CDH12: variants seen among roughly 807,000 people sequenced by gnomAD.
CDH12 encodes cadherin 12, also known as cadherin-12.
A neutral mutation model predicts 74.1 loss-of-function variants in CDH12; 41 were observed. That is an observed-to-expected ratio of 0.55 (90% CI 0.43 to 0.72). The LOEUF (loss-of-function observed/expected upper bound fraction) is 0.72, where lower values mean the gene tolerates loss of function less well. Among genes scored for constraint, CDH12 ranks in the 30% least tolerant of loss-of-function variants. The probability of loss-of-function intolerance (pLI) is 0.00; values close to 1 mark genes in which losing one functional copy is unlikely to be tolerated. For missense variants in CDH12, 945 were observed against 977.2 expected (o/e 0.97, Z 0.44); for synonymous variants, 399 against 355.0 (o/e 1.12, Z -1.39).
At chr5:22,268,947 T>C (rs1736258873) in intron 3 of CDH12, among the ~76,000 whole-genome samples, 1 of 152,098 alleles carries the variant, frequency 6.6e-6, no homozygotes, top group African/African-American at 2.4e-5. Flanking sequence ...GATTGGTTAA[T>C]ATAGTGGTTA....
intron 1 of CDH12, among the ~76,000 whole-genome samples, chr5:22,757,083 A>T (rs76588503): frequency 0.025 from 3,781 of 152,268 alleles, 60 homozygotes; most frequent in Non-Finnish European, 0.035. Flanking sequence ...TTGGTTATTT[A>T]CAAGTTCAGG....
At chr5:22,345,201 A>G (rs2968270) in intron 3 of CDH12, among the ~76,000 whole-genome samples, 52 of 150,852 alleles carry the variant, frequency 3.4e-4, no homozygotes, top group Non-Finnish European at 4.7e-4. Flanking sequence ...TAGATTTTTT[A>G]TTTTCTTTTG....
intron 2 of CDH12, among the ~76,000 whole-genome samples, chr5:22,503,962 G>A (rs1292771305): frequency 2.0e-5 from 3 of 151,868 alleles, no homozygotes; most frequent in Admixed American, 1.3e-4. Flanking sequence ...CCTTTTATAG[G>A]AATTAAATTC....
intron 3 of CDH12, among the ~76,000 whole-genome samples, chr5:22,261,237 T>C (rs1753500676): frequency 6.6e-6 from 1 of 151,926 alleles, no homozygotes; most frequent in African/African-American, 2.4e-5. Flanking sequence ...CACAAATTTA[T>C]ACAGTTTATT....
At chr5:22,103,581 G>T (rs1386594119) in intron 4 of CDH12, among the ~76,000 whole-genome samples, 1 of 152,142 alleles carries the variant, frequency 6.6e-6, no homozygotes, top group African/African-American at 2.4e-5. Context: ...CGCTTCTTAT[G>T]CAGCTAATCG....
chr5:22,845,881 A>C (rs112439514), intron 1 of CDH12, among the ~76,000 whole-genome samples: 27 of 152,206 alleles, frequency 1.8e-4, no homozygotes, highest in African/African-American at 6.0e-4. Context: ...GAGAAGGGAG[A>C]GTATAAAAGT....
chr5:22,032,921 A>AT (rs987343372), intron 5 of CDH12, among the ~76,000 whole-genome samples: 1 of 151,268 alleles, frequency 6.6e-6, no homozygotes, highest in African/African-American at 2.4e-5. Flanking sequence ...TAGCCTTGTC[A>AT]TGGTGGGACA....
At chr5:22,691,975 G>A (rs1742107162) in intron 1 of CDH12, among the ~76,000 whole-genome samples, 1 of 152,100 alleles carries the variant, frequency 6.6e-6, no homozygotes, top group South Asian at 2.1e-4. Context: ...TACCTACATG[G>A]TGATATAGTT....
chr5:22,705,314 T>C (rs1171540646), intron 1 of CDH12, among the ~76,000 whole-genome samples: 2 of 152,038 alleles, frequency 1.3e-5, no homozygotes, highest in Admixed American at 6.6e-5. Context: ...TCACCAAGGA[T>C]ATTAACAAGG....
At chr5:22,003,855 A>G (rs1736764543) in intron 5 of CDH12, among the ~76,000 whole-genome samples, 1 of 141,420 alleles carries the variant, frequency 7.1e-6, no homozygotes, top group African/African-American at 2.6e-5. Context: ...AAAAGGATTT[A>G]CATTTAGGTT....
At chr5:22,770,203 A>G (rs1746735907) in intron 1 of CDH12, among the ~76,000 whole-genome samples, 1 of 152,040 alleles carries the variant, frequency 6.6e-6, no homozygotes, top group Non-Finnish European at 1.5e-5. Flanking sequence ...GATAAACAGG[A>G]TTTGGAGAAA....
At chr5:21,922,340 A>G (rs1400355909) in intron 6 of CDH12, among the ~76,000 whole-genome samples, 1 of 152,208 alleles carries the variant, frequency 6.6e-6, no homozygotes, top group African/African-American at 2.4e-5. Context: ...TTAGGAAAAA[A>G]TGAGAAATCT....
chr5:22,036,527 C>T (rs1561044347), intron 5 of CDH12, among the ~76,000 whole-genome samples: 1 of 152,040 alleles, frequency 6.6e-6, no homozygotes, highest in Non-Finnish European at 1.5e-5. Context: ...TGTCATTGGG[C>T]TCAGTTTGGA....
At chr5:21,790,662 A>G (rs1235048242) in intron 10 of CDH12, among the ~76,000 whole-genome samples, 1 of 152,096 alleles carries the variant, frequency 6.6e-6, no homozygotes, top group Non-Finnish European at 1.5e-5. Context: ...TAAAAATGAA[A>G]TAAGATAAAG....
chr5:22,167,182 A>G (rs1748733105), intron 4 of CDH12, among the ~76,000 whole-genome samples: 1 of 152,238 alleles, frequency 6.6e-6, no homozygotes, highest in African/African-American at 2.4e-5. Context: ...AGGAGAAAAC[A>G]CATATAAGAA....
intron 6 of CDH12, among the ~76,000 whole-genome samples, chr5:21,867,473 T>G (rs776601187): frequency 6.6e-5 from 10 of 152,208 alleles, no homozygotes; most frequent in Non-Finnish European, 1.5e-4. Context: ...AGGGCGGGGC[T>G]GCCCAACACC....
At chr5:22,794,364 C>G (rs1038972880) in intron 1 of CDH12, among the ~76,000 whole-genome samples, 1 of 152,160 alleles carries the variant, frequency 6.6e-6, no homozygotes, top group Non-Finnish European at 1.5e-5. Context: ...ATACTCACAG[C>G]TCCATCAGAA....
At chr5:22,690,993 T>G (rs2126943135) in intron 1 of CDH12, among the ~76,000 whole-genome samples, 1 of 152,220 alleles carries the variant, frequency 6.6e-6, no homozygotes, top group South Asian at 2.1e-4. Flanking sequence ...ATGCAATGAG[T>G]TTTATTTCCT....
In CDH12 at chr5:22,279,862, C is replaced by T. The variant is rs368700885; in HGVS notation, c.-332-67219G>A. On this transcript the variant is annotated intron_variant, in intron 3 of 14. Transcript: ENST00000382254. ...ACGAGTGCATGTGTCTTTATAGCAG[C>T]ATGATTTATATTCCTTTGGGTATAT... Among the ~76,000 whole-genome samples, 62 of 152,196 alleles carry T rather than the reference C, an allele frequency of 4.1e-4. No individual in the cohort carries two copies. In the South Asian group the frequency reaches 0.012, roughly 31 times the overall value.
Sources: gnomAD v4.1 joint callset for allele counts (sites outside exome capture counted in the v4.1 genomes callset) on GRCh38, gnomAD v4.1.1 for gene constraint, MANE v1.5 for transcripts, NCBI Gene and HGNC (gene_info 2026-07-23, HGNC 2026-07-21) for gene names.